The following NSRP1 variants were observed in gnomAD, a reference collection of about 807,000 sequenced individuals.
The protein encoded by NSRP1 is nuclear speckle splicing regulatory protein 1.
NSRP1 carries 24 observed loss-of-function variants against 54.7 expected under a neutral mutation model. That is an observed-to-expected ratio of 0.44 (90% CI 0.32 to 0.62). The LOEUF (loss-of-function observed/expected upper bound fraction) is 0.62. Among genes scored for constraint, NSRP1 ranks in the 20% least tolerant of loss-of-function variants. NSRP1 has a pLI of 0.06. For synonymous variants in NSRP1, 210 were observed against 213.8 expected, an observed-to-expected ratio of 0.98 and a Z score of 0.15; for missense variants, 596 against 651.2, an observed-to-expected ratio of 0.92 and a Z score of 0.92.
chr17:30,126,728 C>T (rs776549430), intron 2 of NSRP1, among the ~76,000 whole-genome samples: 5 of 152,200 alleles, frequency 3.3e-5, no homozygotes, highest in Non-Finnish European at 7.3e-5. Flanking sequence ...GCTGGGACCA[C>T]CGGTGCGAGA....
chr17:30,160,261 T>A (rs951856771), intron 2 of NSRP1, among the ~76,000 whole-genome samples: 1 of 152,158 alleles, frequency 6.6e-6, no homozygotes, highest in Non-Finnish European at 1.5e-5. Flanking sequence ...TTTTTTTGTT[T>A]TGTTTTGTTT....
chr17:30,156,786 T>TCCCTC, intron 2 of NSRP1: 1 of 152,332 alleles, frequency 6.6e-6, no homozygotes, highest in Non-Finnish European at 1.5e-5. Flanking sequence ...CCCAAAGTGC[T>TCCCTC]GAGATTACAG....
chr17:30,140,775 T>C (rs2071797634), intron 2 of NSRP1, among the ~76,000 whole-genome samples: 1 of 152,074 alleles, frequency 6.6e-6, no homozygotes, highest in Non-Finnish European at 1.5e-5. Context: ...TGATCCGCAC[T>C]CCTTGGCCGC....
intron 2 of NSRP1, among the ~76,000 whole-genome samples, chr17:30,120,391 A>G (rs915126614): frequency 3.3e-5 from 5 of 152,240 alleles, no homozygotes; most frequent in Non-Finnish European, 7.3e-5. Context: ...CAAATGGAAT[A>G]TTGAGGAAGT....
At chr17:30,134,430 A>G (rs2071730455) in intron 2 of NSRP1, among the ~76,000 whole-genome samples, 2 of 152,234 alleles carry the variant, frequency 1.3e-5, no homozygotes, top group Non-Finnish European at 2.9e-5. Context: ...CACATCTTCA[A>G]TTTGTAGTAA....
intron 1 of NSRP1, chr17:30,117,342 T>C (rs1296379485): frequency 1.8e-6 from 1 of 551,956 alleles, no homozygotes; most frequent in Non-Finnish European, 3.2e-6. Context: ...GGTAGGCATA[T>C]AGGAAATTGG....
At chr17:30,181,606 T>TTG (rs1014266061) in intron 6 of NSRP1, among the ~76,000 whole-genome samples, 1 of 148,290 alleles carries the variant, frequency 6.7e-6, no homozygotes, top group Non-Finnish European at 1.5e-5. Context: ...GGTTTTTTTT[T>TTG]TTTGTTTTTT....
In NSRP1 at chr17:30,179,216, T is replaced by C. The variant is rs753964711; in HGVS notation, c.427T>C (p.Phe143Leu). 3 of 1,611,652 alleles carry C rather than the reference T, an allele frequency of 1.9e-6. No homozygotes were observed. Among genetic ancestry groups the C allele is most frequent in the Non-Finnish European group, 2.5e-6 (3 of 1,178,810 alleles). Reference sequence around the variant, plus strand: ...GGGGGAGTTTGATGATAAAGAAGCATTTGTGACATCTGCATATAAGAAAAA... The same window carrying C: ...GGGGGAGTTTGATGATAAAGAAGCACTTGTGACATCTGCATATAAGAAAAA... ...EKGEFDDKEA[F>L]VTSAYKKKLQ... Residue 143 changes from phenylalanine to leucine, a missense_variant, in exon 5 of 7, where the codon TTT (phenylalanine) becomes CTT (leucine). Transcript: ENST00000247026.
chr17:30,167,295 G>A (rs933076582), intron 2 of NSRP1, among the ~76,000 whole-genome samples: 2 of 152,072 alleles, frequency 1.3e-5, no homozygotes, highest in Admixed American at 6.6e-5. Context: ...CACTAAAAAC[G>A]TAAAAAGACT....
At position 30,129,134 on chromosome 17, in the gene NSRP1, A is replaced by T. The variant is rs73274875; in HGVS notation, c.114+10961A>T. Among the ~76,000 whole-genome samples, 27 of 151,830 alleles carry T rather than the reference A, an allele frequency of 1.8e-4. 1 individual carries two copies. Among genetic ancestry groups the T allele is most frequent in the African/African-American group, 6.3e-4 (26 of 41,432 alleles). ...TTATGGTGAATTTTAAGGATTTCCC[A>T]TAGTGTATTTAGTTTCCAAATCATA... On this transcript the variant is annotated intron_variant, in intron 2 of 6. Coordinates refer to ENST00000247026, the MANE Select transcript of NSRP1 (RefSeq NM_032141.4).
Position 30,180,973 on chromosome 17 carries a change from G to A in NSRP1, c.574G>A (p.Val192Ile), listed in dbSNP as rs1905272747. 3.7e-6 allele frequency: 6 copies of A among 1,613,664 alleles called. No homozygotes were observed. The highest frequency in any genetic ancestry group is 5.1e-6 in the Non-Finnish European group (6 of 1,179,654). Residue 192 changes from valine (V) to isoleucine (I), a missense_variant, in exon 6 of 7, where the codon GTT becomes ATT. Val to Ile is a conservative substitution (Grantham distance 29, BLOSUM62 3). Coordinates refer to ENST00000247026, the MANE Select transcript of NSRP1 (RefSeq NM_032141.4). ...GFYRHLLNQAVGEEEVPKCSF... is the reference protein window; with the variant it reads ...GFYRHLLNQAIGEEEVPKCSF... ...TTATAGGCACCTATTAAATCAAGCA[G>A]TTGGTGAAGAGGAAGTACCTAAATG... is the stretch of plus-strand genomic sequence containing the variant.
At chr17:30,128,625 T>G (rs1359970398) in intron 2 of NSRP1, among the ~76,000 whole-genome samples, 1 of 150,868 alleles carries the variant, frequency 6.6e-6, no homozygotes, top group African/African-American at 2.4e-5. Flanking sequence ...TATTTTCTTT[T>G]CTAAAATTTT....
At chr17:30,178,347 G>A (rs1905194531) in intron 4 of NSRP1, 148 bp downstream of exon 4, 8 of 841,504 alleles carry the variant, frequency 9.5e-6, no homozygotes, top group Non-Finnish European at 1.4e-5. Flanking sequence ...AAATTTGATT[G>A]TAGAACTCAA....
At chr17:30,154,444 T>A (rs2071942544) in intron 2 of NSRP1, 1 of 152,154 alleles carries the variant, frequency 6.6e-6, no homozygotes, top group East Asian at 1.9e-4. Flanking sequence ...CCAGGTGTGG[T>A]GGCTGGCGCC....
At chr17:30,179,625 C>G (rs1905236033) in intron 5 of NSRP1, among the ~76,000 whole-genome samples, 1 of 151,720 alleles carries the variant, frequency 6.6e-6, no homozygotes, top group Non-Finnish European at 1.5e-5. Context: ...TTGTCAGAAA[C>G]AATATAAATA....
At chr17:30,117,385 T>C in intron 1 of NSRP1, 1 of 476,052 alleles carries the variant, frequency 2.1e-6, no homozygotes, top group Admixed American at 3.8e-5. Context: ...ACAAATACTG[T>C]ACGTACTTGA....
intron 2 of NSRP1, among the ~76,000 whole-genome samples, chr17:30,125,207 TA>T (rs897462590): frequency 2.0e-4 from 30 of 151,796 alleles, no homozygotes; most frequent in African/African-American, 6.8e-4. Flanking sequence ...AAAAAAAGAT[TA>T]AAAAAAAATT....
chr17:30,125,635 C>T (rs73274872), intron 2 of NSRP1, among the ~76,000 whole-genome samples: 2,417 of 152,274 alleles, frequency 0.016, 68 homozygotes, highest in African/African-American at 0.054. Context: ...GCAGCCTCCA[C>T]CTCCCAAGTT....
rs146387574 is a variant in NSRP1, at chr17:30,185,034, A to G, written c.1037A>G (p.His346Arg). 1.5e-5 allele frequency: 24 copies of G among 1,614,176 alleles called. No individual in the cohort carries two copies. Among genetic ancestry groups the G allele is most frequent in the Non-Finnish European group, 1.7e-5 (20 of 1,180,026 alleles). The change falls in exon 7 of 7, where the codon CAC (histidine) becomes CGC (arginine). Residue 346 changes from histidine to arginine, a missense_variant. By Grantham distance (29) the His-to-Arg change is conservative. Transcript: ENST00000247026. ...DYRKERDSHR[H>R]REASHRDSHW... Reference sequence around the variant, plus strand: ...CGGAAAGAAAGGGATTCTCATAGGCACAGAGAGGCCAGTCATAGAGATTCC... The same window carrying G: ...CGGAAAGAAAGGGATTCTCATAGGCGCAGAGAGGCCAGTCATAGAGATTCC...
Sources: gnomAD v4.1 joint callset for allele counts (sites outside exome capture counted in the v4.1 genomes callset) on GRCh38, gnomAD v4.1.1 for gene constraint, MANE v1.5 for transcripts, NCBI Gene and HGNC (gene_info 2026-07-23, HGNC 2026-07-21) for gene names.